MYOM2: variants seen among roughly 807,000 people sequenced by gnomAD.
MYOM2 encodes myomesin 2.
In MYOM2, 254 loss-of-function variants were observed where a neutral mutation model predicts 187.6. The ratio of observed to expected loss-of-function variants is 1.35; its 90% CI spans 1.22 to 1.50. MYOM2 has a LOEUF of 1.50. Ranked by LOEUF, MYOM2 falls within the 40% of genes most tolerant of loss-of-function variation. The pLI is 0.00. For synonymous variants in MYOM2, 981 were observed against 753.8 expected, an observed-to-expected ratio of 1.30 and a Z score of -4.94; for missense variants, 2,796 against 1,924.0, an observed-to-expected ratio of 1.45 and a Z score of -8.48.
intron 16 of MYOM2, among the ~76,000 whole-genome samples, chr8:2,093,217 A>G (rs964538946): frequency 6.6e-6 from 1 of 152,248 alleles, no homozygotes; most frequent in Non-Finnish European, 1.5e-5. Context: ...GTGGCTAACA[A>G]GAAGAGATGT....
intron 25 of MYOM2, among the ~76,000 whole-genome samples, chr8:2,111,786 T>C (rs1037130742): frequency 6.6e-6 from 1 of 152,170 alleles, no homozygotes; most frequent in African/African-American, 2.4e-5. Context: ...CAGTCTGAGG[T>C]CATGCCTTCT....
chr8:2,122,337 T>C (rs937507726), intron 28 of MYOM2, among the ~76,000 whole-genome samples: 1 of 152,186 alleles, frequency 6.6e-6, no homozygotes, highest in Non-Finnish European at 1.5e-5. Flanking sequence ...TCCACAAACA[T>C]TGATGGGACA....
intron 28 of MYOM2, among the ~76,000 whole-genome samples, chr8:2,121,986 C>T (rs966545612): frequency 6.6e-6 from 1 of 152,102 alleles, no homozygotes; most frequent in African/African-American, 2.4e-5. Context: ...AACCGTCTCC[C>T]CCAATTATAG....
chr8:2,061,136 G>A (rs574076795), intron 6 of MYOM2, among the ~76,000 whole-genome samples: 12 of 152,050 alleles, frequency 7.9e-5, no homozygotes, highest in Non-Finnish European at 1.3e-4. Flanking sequence ...ACCAAGCCTG[G>A]GGCCTGGTTG....
In MYOM2 at chr8:2,092,435, G is replaced by T. The variant is rs1197102018; in HGVS notation, c.1918G>T (p.Asp640Tyr). The T allele has an allele frequency of 6.2e-7, 1 of 1,614,056 alleles. No homozygotes were observed. Among genetic ancestry groups the T allele is most frequent in the Admixed American group, 1.7e-5 (1 of 60,002 alleles). Residue 640 changes from aspartate to tyrosine, a missense_variant, in exon 16 of 37, where the codon GAC (aspartate) becomes TAC (tyrosine). Asp to Tyr is a radical substitution (Grantham distance 160). Transcript: ENST00000262113. ...VQWDRPKHEE[D>Y]LLGYYVDCCV... ...GTGGGACCGACCTAAGCATGAGGAG[G>T]ACCTGCTGGGCTACTACGTGGACTG...
At chr8:2,070,614 G>A (rs1000732516) in intron 8 of MYOM2, among the ~76,000 whole-genome samples, 5 of 132,618 alleles carry the variant, frequency 3.8e-5, no homozygotes, top group Admixed American at 8.2e-5. Context: ...GTCCCATCCC[G>A]GGGTTTCTCC....
intron 32 of MYOM2, among the ~76,000 whole-genome samples, chr8:2,134,931 G>A (rs1198812924): frequency 1.3e-5 from 2 of 152,114 alleles, no homozygotes; most frequent in Non-Finnish European, 2.9e-5. Flanking sequence ...TCAGGGAGCC[G>A]CGGGTCTTAC....
At chr8:2,094,354 T>C (rs1453351355) in intron 17 of MYOM2, among the ~76,000 whole-genome samples, 2 of 146,336 alleles carry the variant, frequency 1.4e-5, no homozygotes, top group African/African-American at 5.3e-5. Flanking sequence ...CCTGTACTCA[T>C]GTTAAAATAT....
chr8:2,049,128 T>C (rs574332989), intron 1 of MYOM2, among the ~76,000 whole-genome samples: 1 of 152,200 alleles, frequency 6.6e-6, no homozygotes, highest in South Asian at 2.1e-4. Context: ...CGTTCCGTTA[T>C]ATCCCTGGAG....
chr8:2,073,195 A>G, intron 9 of MYOM2, 144 bp from the exon 10 acceptor site: 8 of 876,446 alleles, frequency 9.1e-6, no homozygotes, highest in Non-Finnish European at 1.4e-5. Flanking sequence ...AGCTGTTGGG[A>G]TTTTACCAGG....
In MYOM2 at chr8:2,093,981, A is replaced by G. The variant is rs757446553; in HGVS notation, c.2015A>G (p.His672Arg). Residue 672 changes from histidine (H) to arginine (R), a missense_variant, in exon 17 of 37, where the codon CAC becomes CGC. Transcript: ENST00000262113. ...CCTGTGTTTCTCAGGTTCGTGGTGC[A>G]CGGCTTAACCACGGGAGAGCAGTAC... ...KPIGYNRFVV[H>R]GLTTGEQYIF... 1 of 1,614,172 alleles carries G rather than the reference A, an allele frequency of 6.2e-7. No homozygotes were observed. Among genetic ancestry groups the G allele is most frequent in the East Asian group, 2.2e-5 (1 of 44,884 alleles).
chr8:2,129,904 C>G lies in MYOM2; in HGVS notation c.3800+672C>G, dbSNP rs187189358. Among the ~76,000 whole-genome samples the G allele has an allele frequency of 4.3e-4, 66 of 152,282 alleles. No individual in the cohort carries two copies. In the East Asian group the frequency reaches 0.012, roughly 27 times the overall value. On this transcript the variant is annotated intron_variant, in intron 32 of 36. Coordinates refer to ENST00000262113, the MANE Select transcript of MYOM2 (RefSeq NM_003970.4). ...CAAAACAGGACTCGCATCAGGGTCACCAACCCCTATAGATATCACCGCAGA... is the reference window on the plus strand; with the variant it reads ...CAAAACAGGACTCGCATCAGGGTCAGCAACCCCTATAGATATCACCGCAGA...
chr8:2,052,568 T>G (rs2129327537), intron 3 of MYOM2, among the ~76,000 whole-genome samples: 1 of 152,334 alleles, frequency 6.6e-6, no homozygotes, highest in Middle Eastern at 3.4e-3. Flanking sequence ...GCGTTGCTGT[T>G]CAGAGCGCTC....
intron 16 of MYOM2, 141 bp from the exon 17 acceptor site, chr8:2,093,829 C>G: frequency 1.0e-6 from 1 of 994,946 alleles, no homozygotes; most frequent in East Asian, 2.4e-5. Flanking sequence ...ACATGTTGAG[C>G]TAATTAACTA....
At chr8:2,141,934 C>T (rs921426942) in intron 34 of MYOM2, among the ~76,000 whole-genome samples, 10 of 152,340 alleles carry the variant, frequency 6.6e-5, no homozygotes, top group South Asian at 4.1e-4. Flanking sequence ...AGTCTTCGCA[C>T]ATCCGAAGCT....
chr8:2,143,605 C>G (rs1798355469), intron 36 of MYOM2, 149 bp downstream of exon 36: 1 of 899,546 alleles, frequency 1.1e-6, no homozygotes, highest in East Asian at 2.6e-5. Context: ...CCCCACTTTT[C>G]TGCCCCTCCT....
In MYOM2 at chr8:2,144,235, C is replaced by A. The variant is rs187283517; in HGVS notation, c.4081-429C>A. Among the ~76,000 whole-genome samples the A allele has an allele frequency of 2.0e-4, 31 of 151,292 alleles. 1 individual carries two copies. Among genetic ancestry groups the A allele is most frequent in the African/African-American group, 7.6e-4 (31 of 40,714 alleles). ...CTTCAAGAATGCATTTTTTTGCCTC[C>A]AATTTACCAGTTATAAAACGATATA... is the stretch of plus-strand genomic sequence containing the variant. On this transcript the variant is annotated intron_variant, in intron 36 of 36. Transcript: ENST00000262113.
chr8:2,096,943 T>A (rs866392548), intron 18 of MYOM2: 2 of 176,150 alleles, frequency 1.1e-5, no homozygotes, highest in Non-Finnish European at 2.2e-5. Context: ...GGACATCGAC[T>A]TGGAGCTCAG....
In MYOM2 at chr8:2,096,395, C is replaced by T. The variant is rs575928170; in HGVS notation, c.2274C>T (p.His758=). 34 of 1,614,238 alleles carry T rather than the reference C, an allele frequency of 2.1e-5. No individual in the cohort carries two copies. The highest frequency in any genetic ancestry group is 6.7e-5 in the East Asian group (3 of 44,888). Residue 758 remains histidine (H), a synonymous_variant, in exon 18 of 37, where the codon CAC becomes CAT. Transcript: ENST00000262113. ...DKREVHHKNW[H]EVNSSPSKPT... ...GTGAAGTTCACCATAAAAACTGGCA[C>T]GAGGTCAATTCCTCACCCAGCAAAC...
Sources: gnomAD v4.1 joint callset for allele counts (sites outside exome capture counted in the v4.1 genomes callset) on GRCh38, gnomAD v4.1.1 for gene constraint, MANE v1.5 for transcripts, NCBI Gene and HGNC (gene_info 2026-07-23, HGNC 2026-07-21) for gene names.